NLRP9: variants seen among roughly 807,000 people sequenced by gnomAD.
NLRP9 encodes the protein NLR family pyrin domain containing 9, also known as NACHT, LRR and PYD domains-containing protein 9.
In NLRP9, 88 loss-of-function variants were observed where a neutral mutation model predicts 83.1. The observed-to-expected ratio is 1.06, with a 90% CI of 0.89 to 1.26. The LOEUF (loss-of-function observed/expected upper bound fraction) is 1.26. Among genes scored for constraint, NLRP9 ranks in the 50% most tolerant of loss-of-function variants. The probability of loss-of-function intolerance (pLI) is 0.00; values close to 1 mark genes in which losing one functional copy is unlikely to be tolerated. For missense variants in NLRP9, 1,308 were observed against 1,179.3 expected, an observed-to-expected ratio of 1.11 and a Z score of -1.60; for synonymous variants, 521 against 447.6, an observed-to-expected ratio of 1.16 and a Z score of -2.07.
chr19:55,735,392 A>G (rs1046625253), intron 1 of NLRP9, among the ~76,000 whole-genome samples: 1 of 152,184 alleles, frequency 6.6e-6, no homozygotes, highest in African/African-American at 2.4e-5. Flanking sequence ...GTTCAAGACG[A>G]GCTTGGCCAA....
In NLRP9 at chr19:55,720,915, G is replaced by A. The variant is rs149323724; in HGVS notation, c.2159+3065C>T. Among the ~76,000 whole-genome samples, 1,141 of 152,214 alleles carry A rather than the reference G, an allele frequency of 7.5e-3. 9 individuals are homozygous for A. Among genetic ancestry groups the A allele is most frequent in the Non-Finnish European group, 0.012 (785 of 68,014 alleles). ...CAGAAAGTCAAACAAATGAAAAGGC[G>A]CTCATATTATTAGTCATTAGAGAAA... On this transcript the variant is annotated intron_variant, in intron 4 of 8. Coordinates refer to ENST00000332836, the MANE Select transcript of NLRP9 (RefSeq NM_176820.4).
At chr19:55,735,884 C>T (rs139721021) in intron 1 of NLRP9, among the ~76,000 whole-genome samples, 54 of 151,824 alleles carry the variant, frequency 3.6e-4, no homozygotes, top group Non-Finnish European at 5.9e-4. Flanking sequence ...TAGAGTGTCT[C>T]ACCATGTTGG....
intron 4 of NLRP9, among the ~76,000 whole-genome samples, chr19:55,721,574 A>G (rs1365892699): frequency 6.6e-6 from 1 of 152,126 alleles, no homozygotes; most frequent in Non-Finnish European, 1.5e-5. Context: ...AGCACTCAGT[A>G]GTCCAGTACT....
rs1988592873 is a variant in NLRP9 at position 55,732,182 on chromosome 19, A to G, written c.1649T>C (p.Phe550Ser). ...IAFQELFIGL[F>S]ETQEKEFVTK... ...TACAAATTCTTTTTCCTGAGTTTCA[A>G]ACAAACCAATGAATAGTTCCTGGAA... The change falls in exon 2 of 9, where the codon TTT (phenylalanine) becomes TCT (serine). Residue 550 changes from phenylalanine (F) to serine (S), a missense_variant. Transcript: ENST00000332836. 1 of 1,613,348 alleles carries G rather than the reference A, an allele frequency of 6.2e-7. No homozygotes were observed. Among genetic ancestry groups the G allele is most frequent in the African/African-American group, 1.3e-5 (1 of 74,978 alleles).
At chr19:55,738,016 G>A in intron 1 of NLRP9, 79 bp downstream of exon 1, 1 of 1,313,344 alleles carries the variant, frequency 7.6e-7, no homozygotes, top group Non-Finnish European at 1.1e-6. Context: ...GATGGAGGGG[G>A]TGGCCACTCA....
chr19:55,719,765 A>C (rs1387964043), intron 4 of NLRP9, among the ~76,000 whole-genome samples: 3 of 152,200 alleles, frequency 2.0e-5, no homozygotes, highest in African/African-American at 4.8e-5. Context: ...ATGTTCTCAG[A>C]AGCCTGTGCA....
At chr19:55,730,291 TAAAAATTTAA>T (rs2122326362) in intron 2 of NLRP9, among the ~76,000 whole-genome samples, 1 of 152,188 alleles carries the variant, frequency 6.6e-6, no homozygotes, top group South Asian at 2.1e-4. Flanking sequence ...CCATCTCTAT[TAAAAATTTAA>T]AAAATTAGAC....
intron 8 of NLRP9, 162 bp downstream of exon 8, chr19:55,711,638 C>G (rs1489980891): frequency 1.3e-5 from 11 of 875,234 alleles, no homozygotes; most frequent in Admixed American, 4.5e-5. Flanking sequence ...CTTACAATGT[C>G]AATGGTTTTT....
intron 1 of NLRP9, among the ~76,000 whole-genome samples, chr19:55,734,636 TA>T (rs1284028269): frequency 0.011 from 756 of 68,206 alleles, 8 homozygotes; most frequent in Non-Finnish European, 0.017. Context: ...TATATATATA[TA>T]TTTTTTTTTT....
In NLRP9 at chr19:55,738,126, A is replaced by G. The variant is rs1988833792; in HGVS notation, c.249T>C (p.Asp83=). 1 of 1,613,984 alleles carries G rather than the reference A, an allele frequency of 6.2e-7. No homozygotes were observed. The highest frequency in any genetic ancestry group is 1.3e-5 in the African/African-American group (1 of 74,872). ...LNLFLQINRK[D]LWTKAQEEMR... is the part of the protein sequence containing the mutation. The stretch of plus-strand genomic sequence containing the variant: ...TCTCTTCCTGAGCCTTTGTCCAGAG[A>G]TCTTTCCTATTGATCTGTAGAAACA... Residue 83 remains aspartate (D), a synonymous_variant, in exon 1 of 9, where the codon GAT becomes GAC. Transcript: ENST00000332836.
intron 3 of NLRP9, among the ~76,000 whole-genome samples, chr19:55,724,664 G>C (rs1342906325): frequency 2.6e-5 from 4 of 151,940 alleles, no homozygotes; most frequent in Non-Finnish European, 5.9e-5. Flanking sequence ...CAGGAAACTG[G>C]ATTTCACATT....
chr19:55,732,800 C>G lies in NLRP9; in HGVS notation c.1031G>C (p.Cys344Ser). The G allele has an allele frequency of 2.5e-6, 4 of 1,614,168 alleles. No homozygotes were observed. Among genetic ancestry groups the G allele is most frequent in the South Asian group, 1.1e-5 (1 of 91,074 alleles). The change falls in exon 2 of 9, where the codon TGT (cysteine) becomes TCT (serine). Residue 344 changes from cysteine (C) to serine (S), a missense_variant. Coordinates refer to ENST00000332836, the MANE Select transcript of NLRP9 (RefSeq NM_176820.4). ...CHNPFTCWLV[C>S]TCVKQRLERG... ...CTCTAGCCTCTGTTTCACACAAGTA[C>G]AGACCAACCAGCACGTAAAGGGATT...
At position 55,716,729 on chromosome 19, in the gene NLRP9, T is replaced by G. The variant is rs761271136; in HGVS notation, c.2329A>C (p.Met777Leu). The G allele has an allele frequency of 5.6e-6, 9 of 1,612,912 alleles. No individual in the cohort carries two copies. Among genetic ancestry groups the G allele is most frequent in the Non-Finnish European group, 7.6e-6 (9 of 1,179,214 alleles). ...CGTGCTTCCCGCAGACCAACTTACA[T>G]CAGCCTCTCCAGGGCACAGTGTGAG... ...KHSHCALERLMLMYCCLTSVS... is the reference protein window; with the variant it reads ...KHSHCALERLLLMYCCLTSVS... Residue 777 changes from methionine (M) to leucine (L), a missense_variant and splice_region_variant, in exon 5 of 9, where the codon ATG becomes CTG. Physicochemically the swap from Met to Leu is conservative, Grantham distance 15. Coordinates refer to ENST00000332836, the MANE Select transcript of NLRP9 (RefSeq NM_176820.4).
At chr19:55,715,357 C>G (rs1248855380) in intron 5 of NLRP9, 132 bp from the exon 6 acceptor site, 1 of 763,138 alleles carries the variant, frequency 1.3e-6, no homozygotes, top group African/African-American at 1.8e-5. Context: ...CAGGCAAAAC[C>G]TTTCCAGATG....
intron 2 of NLRP9, among the ~76,000 whole-genome samples, chr19:55,730,908 T>C (rs1415450716): frequency 6.6e-6 from 1 of 152,024 alleles, no homozygotes; most frequent in Non-Finnish European, 1.5e-5. Flanking sequence ...CATGTATCCC[T>C]GAACTTAAAA....
At position 55,712,671 on chromosome 19, in the gene NLRP9, G is replaced by A. The variant is rs1987786220; in HGVS notation, c.2502-81C>T. On this transcript the variant is annotated intron_variant, in intron 6 of 8. Coordinates refer to ENST00000332836, the MANE Select transcript of NLRP9 (RefSeq NM_176820.4). ...CCACCTTATTTTCATTTATTCATAT[G>A]ACGCAAGAAATACCCAAGTAAATCT... 4 of 1,263,562 alleles carry A rather than the reference G, an allele frequency of 3.2e-6. No homozygotes were observed. The Admixed American group carries it at 5.8e-5, about 18-fold the overall frequency. 78.3% of individuals were successfully genotyped at this position (1,263,562 alleles called of 1,614,324 possible).
chr19:55,716,705 G>A (rs773554091), intron 5 of NLRP9, 23 bp downstream of exon 5: 26 of 1,604,746 alleles, frequency 1.6e-5, no homozygotes, highest in South Asian at 1.3e-4. Flanking sequence ...ATCTCCGAAC[G>A]TGCTTCCCGC....
At chr19:55,737,111 G>C (rs1417303107) in intron 1 of NLRP9, among the ~76,000 whole-genome samples, 3 of 152,050 alleles carry the variant, frequency 2.0e-5, no homozygotes, top group Non-Finnish European at 4.4e-5. Context: ...TCCCCCGAGA[G>C]GAGGGTGTAG....
Position 55,733,191 on chromosome 19 carries a change from C to T in NLRP9, c.640G>A (p.Glu214Lys), listed in dbSNP as rs778498439. ...RDWPESSEKI[E>K]DIFSQPERIL... ...CTCTCTGGCTGGGAAAAAATGTCTTCGATCTTCTCTGAAGACTCCGGCCAG... is the reference window on the plus strand; with the variant it reads ...CTCTCTGGCTGGGAAAAAATGTCTTTGATCTTCTCTGAAGACTCCGGCCAG... The change falls in exon 2 of 9, where the codon GAA becomes AAA. Residue 214 changes from glutamate to lysine, a missense_variant. Transcript: ENST00000332836. 38 of 1,613,732 alleles carry T rather than the reference C, an allele frequency of 2.4e-5. No individual in the cohort carries two copies. Among genetic ancestry groups the T allele is most frequent in the East Asian group, 2.2e-5 (1 of 44,890 alleles).
Sources: allele counts gnomAD v4.1 joint callset (sites outside exome capture counted in the v4.1 genomes callset), GRCh38; gene constraint gnomAD v4.1.1; transcripts MANE v1.5; gene names NCBI Gene and HGNC (gene_info 2026-07-23, HGNC 2026-07-21).